RO60: variants seen among roughly 807,000 people sequenced by gnomAD.
RO60 encodes RNA-binding protein RO60.
RO60 carries 20 observed loss-of-function variants against 55.3 expected under a neutral mutation model. The observed-to-expected ratio is 0.36, with a 90% CI of 0.25 to 0.53. The LOEUF (loss-of-function observed/expected upper bound fraction) is 0.53, where lower values mean the gene tolerates loss of function less well. Ranked by LOEUF, RO60 falls within the 20% of genes least tolerant of loss-of-function variation. The pLI is 0.92. For synonymous variants in RO60, 213 were observed against 213.6 expected, an observed-to-expected ratio of 1.00 and a Z score of 0.02; for missense variants, 558 against 646.6, an observed-to-expected ratio of 0.86 and a Z score of 1.49.
rs982781883 is a variant in RO60, at chr1:193,064,400, C to T, written c.-22+4624C>T. The stretch of plus-strand genomic sequence containing the variant: ...CACTCCTATTTCTCAGGAAATACCA[C>T]GGGTTTTTGAAACTTTCTGCTGGGT... On this transcript the variant is annotated intron_variant, in intron 1 of 8. Transcript: ENST00000400968. Among the ~76,000 whole-genome samples, 13 of 152,162 alleles carry T rather than the reference C, an allele frequency of 8.5e-5. 1 individual carries two copies. Among genetic ancestry groups the T allele is most frequent in the Admixed American group, 4.6e-4 (7 of 15,270 alleles).
chr1:193,077,227 G>C (rs1278897171), intron 5 of RO60, among the ~76,000 whole-genome samples, 177 bp downstream of exon 5: 1 of 152,112 alleles, frequency 6.6e-6, no homozygotes, highest in South Asian at 2.1e-4. Flanking sequence ...TAAGAGTAAA[G>C]TATTTCTCTT....
chr1:193,091,520 T>C (rs965347708), downstream of RO60: 2 of 761,526 alleles, frequency 2.6e-6, no homozygotes, highest in Non-Finnish European at 4.3e-6. Flanking sequence ...GTTTTCACTG[T>C]AAATAATACA....
At chr1:193,079,081 C>CTTT (rs745317535) in intron 5 of RO60, among the ~76,000 whole-genome samples, 1,017 of 85,912 alleles carry the variant, frequency 0.012, 7 homozygotes, top group Middle Eastern at 0.043. Context: ...GTTCAGTTGA[C>CTTT]TTTTTTTTTT....
At chr1:193,065,342 G>A (rs990764725) in intron 1 of RO60, among the ~76,000 whole-genome samples, 1 of 152,188 alleles carries the variant, frequency 6.6e-6, no homozygotes, top group East Asian at 1.9e-4. Flanking sequence ...GAGGGGAGAG[G>A]GAATTTTGAG....
At chr1:193,077,363 G>C (rs1673996116) in intron 5 of RO60, among the ~76,000 whole-genome samples, 1 of 152,190 alleles carries the variant, frequency 6.6e-6, no homozygotes, top group Non-Finnish European at 1.5e-5. Context: ...AAAGAAGAGA[G>C]GTTTAATCGG....
chr1:193,082,482 G>A, intron 7 of RO60, 80 bp from the exon 8 acceptor site: 1 of 1,515,974 alleles, frequency 6.6e-7, no homozygotes, highest in Non-Finnish European at 9.1e-7. Context: ...ATATATTGGT[G>A]CTAAACAAAA....
chr1:193,082,144 C>A, intron 6 of RO60, 42 bp from the exon 7 acceptor site: 1 of 1,139,142 alleles, frequency 8.8e-7, no homozygotes, highest in Non-Finnish European at 1.3e-6. Flanking sequence ...TATTGTATTT[C>A]CCCCCAAATT....
In RO60 at chr1:193,069,043, A is replaced by G; in HGVS notation, c.-12A>G. The G allele has an allele frequency of 6.3e-7, 1 of 1,595,424 alleles. No individual in the cohort carries two copies. Among genetic ancestry groups the G allele is most frequent in the Non-Finnish European group, 8.5e-7 (1 of 1,169,728 alleles). Reference sequence around the variant, plus strand: ...TTTGCCTTTTTGTTAGGTTTCCTAAAGACAAAAAAAAATGGAGGAATCTGT... The same window carrying G: ...TTTGCCTTTTTGTTAGGTTTCCTAAGGACAAAAAAAAATGGAGGAATCTGT... On this transcript the variant is annotated 5_prime_UTR_variant, in exon 2 of 9. Transcript: ENST00000400968.
At chr1:193,073,106 C>T (rs1007170705) in intron 2 of RO60, among the ~76,000 whole-genome samples, 1 of 151,978 alleles carries the variant, frequency 6.6e-6, no homozygotes, top group African/African-American at 2.4e-5. Context: ...TATTGTGCAC[C>T]CACTGCATGG....
At chr1:193,079,081 CT>C (rs745317535) in intron 5 of RO60, among the ~76,000 whole-genome samples, 1,016 of 85,930 alleles carry the variant, frequency 0.012, 6 homozygotes, top group African/African-American at 0.039. Flanking sequence ...GTTCAGTTGA[CT>C]TTTTTTTTTT....
intron 5 of RO60, among the ~76,000 whole-genome samples, chr1:193,080,660 A>G (rs2103067548): frequency 6.6e-6 from 1 of 152,346 alleles, no homozygotes. Context: ...TGTGGTATAT[A>G]TAATGGAATA....
Position 193,081,376 on chromosome 1 carries a change from A to G in RO60, c.1099A>G (p.Thr367Ala), listed in dbSNP as rs762289618. The change falls in exon 6 of 9, where the codon ACT becomes GCT. Residue 367 changes from threonine to alanine, a missense_variant. Physicochemically the swap from Thr to Ala is moderately conservative, Grantham distance 58 (BLOSUM62 0). Transcript: ENST00000400968. ...FYKTFKTVEP[T>A]GKRFLLAVDV... ...GTTTTCTCTGTAGACAGTTGAACCAACTGGAAAACGTTTCTTACTAGCTGT... is the reference window on the plus strand; with the variant it reads ...GTTTTCTCTGTAGACAGTTGAACCAGCTGGAAAACGTTTCTTACTAGCTGT... 4.4e-6 allele frequency: 7 copies of G among 1,601,980 alleles called. No individual in the cohort carries two copies. The highest frequency in any genetic ancestry group is 1.3e-5 in the African/African-American group (1 of 74,760).
intron 1 of RO60, among the ~76,000 whole-genome samples, chr1:193,066,306 C>G (rs1385937543): frequency 3.3e-5 from 5 of 152,148 alleles, no homozygotes; most frequent in Admixed American, 3.3e-4. Context: ...GATTTTTTCT[C>G]TAAGTCCCAT....
At chr1:193,073,061 C>G (rs1218729879) in intron 2 of RO60, among the ~76,000 whole-genome samples, 2 of 152,244 alleles carry the variant, frequency 1.3e-5, no homozygotes, top group East Asian at 3.9e-4. Flanking sequence ...CAAAACAAGT[C>G]AAAATGTGAT....
Position 193,059,796 on chromosome 1 carries a change from C to T in RO60, c.-22+20C>T, listed in dbSNP as rs1449192785. On this transcript the variant is annotated intron_variant, in intron 1 of 8. Transcript: ENST00000400968. This position sits in a 1 kb window ranked among gnomAD's most constrained non-coding sequence, Gnocchi z 4.9. ...GTACAGGTGAGGACATTGCGGGAGG[C>T]CGGCTGGGAGCCTTTTGTGCGGCCC... 1 of 1,356,066 alleles carries T rather than the reference C, an allele frequency of 7.4e-7. No homozygotes were observed. Among genetic ancestry groups the T allele is most frequent in the South Asian group, 1.2e-5 (1 of 86,312 alleles). The allele number at this position is 1,356,066 out of a possible 1,614,324, so 84.0% of individuals were successfully genotyped here.
chr1:193,074,358 G>A (rs1021627577), intron 2 of RO60, among the ~76,000 whole-genome samples: 1 of 152,190 alleles, frequency 6.6e-6, no homozygotes, highest in Non-Finnish European at 1.5e-5. Context: ...CACCAACAGT[G>A]TAAAAGTGTT....
chr1:193,072,112 T>G (rs1673559636), intron 2 of RO60, among the ~76,000 whole-genome samples: 1 of 152,290 alleles, frequency 6.6e-6, no homozygotes, highest in South Asian at 2.1e-4. Context: ...CAAGCAATTC[T>G]CCTGCCTCAG....
intron 1 of RO60, among the ~76,000 whole-genome samples, chr1:193,061,095 CGTTTAATCCTGAGA>C (rs1376736044): frequency 4.6e-5 from 7 of 152,158 alleles, no homozygotes; most frequent in Non-Finnish European, 8.8e-5. Flanking sequence ...ATTATGTTAA[CGTTTAATCCTGAGA>C]GTTTACATAA....
chr1:193,068,013 C>T (rs898236563), intron 1 of RO60, among the ~76,000 whole-genome samples: 59 of 152,236 alleles, frequency 3.9e-4, no homozygotes, highest in African/African-American at 1.3e-3. Flanking sequence ...GTTACCACTC[C>T]AGGCATCACT....
Sources: gnomAD v4.1 joint callset for allele counts (sites outside exome capture counted in the v4.1 genomes callset) on GRCh38, gnomAD v4.1.1 for gene constraint, Gnocchi (gnomAD v3.1) non-coding constraint, MANE v1.5 for transcripts, NCBI Gene and HGNC (gene_info 2026-07-23, HGNC 2026-07-21) for gene names.